Variants in C8orf34 observed in about 807,000 individuals in gnomAD.
C8orf34 encodes chromosome 8 open reading frame 34, also known as uncharacterized protein C8orf34.
A neutral mutation model predicts 68.3 loss-of-function variants in C8orf34; 65 were observed. The observed-to-expected ratio is 0.95, with a 90% CI of 0.78 to 1.17. The LOEUF (loss-of-function observed/expected upper bound fraction) is 1.17, where lower values mean the gene tolerates loss of function less well. C8orf34 is among the 50% of genes most tolerant of loss of function. The pLI is 0.00. For synonymous variants in C8orf34, 244 were observed against 241.2 expected, an observed-to-expected ratio of 1.01 and a Z score of -0.11; for missense variants, 664 against 655.4, an observed-to-expected ratio of 1.01 and a Z score of -0.14.
chr8:68,781,844 G>A (rs1344478661), intron 11 of C8orf34, among the ~76,000 whole-genome samples: 1 of 152,146 alleles, frequency 6.6e-6, no homozygotes, highest in Non-Finnish European at 1.5e-5. Context: ...CCAAGCTAAT[G>A]TTCCATTTGT....
intron 10 of C8orf34, among the ~76,000 whole-genome samples, chr8:68,739,143 C>A (rs1822207484): frequency 1.3e-5 from 2 of 152,070 alleles, no homozygotes; most frequent in South Asian, 2.1e-4. Flanking sequence ...TCAACATATG[C>A]AAATCAATAA....
At chr8:68,436,187 C>G (rs1810658514) in intron 1 of C8orf34, among the ~76,000 whole-genome samples, 1 of 151,990 alleles carries the variant, frequency 6.6e-6, no homozygotes, top group Admixed American at 6.6e-5. Flanking sequence ...TATCCTCACC[C>G]TGGGTGACAG....
intron 10 of C8orf34, among the ~76,000 whole-genome samples, chr8:68,732,634 C>T (rs959165196): frequency 1.3e-4 from 20 of 152,014 alleles, no homozygotes; most frequent in African/African-American, 4.6e-4. Context: ...CCAATTTCTT[C>T]CATTCATTTT....
chr8:68,634,723 C>T (rs1045446621), intron 7 of C8orf34, among the ~76,000 whole-genome samples: 3 of 152,196 alleles, frequency 2.0e-5, no homozygotes, highest in East Asian at 3.9e-4. Context: ...GGTTCTGTCA[C>T]CTTTTAGAGC....
Position 68,381,738 on chromosome 8 carries a change from CAAAAAAA to C in C8orf34, c.327+50417_327+50423del, listed in dbSNP as rs769290635. On this transcript the variant is annotated intron_variant, in intron 1 of 13. Coordinates refer to ENST00000518698, the MANE Select transcript of C8orf34 (RefSeq NM_052958.4). ...TGGGCGACAGAGCGAGACTCCGTCT[CAAAAAAA>C]AAAAAAAAAAAAAAAAATAGGTATA... Among the ~76,000 whole-genome samples, 107 of 72,058 alleles carry C rather than the reference CAAAAAAA, an allele frequency of 1.5e-3. 1 individual carries two copies. In the Admixed American group the frequency reaches 0.02, roughly 13 times the overall value. 47.3% of individuals were successfully genotyped at this position (72,058 alleles called of 152,430 possible).
chr8:68,744,687 A>C (rs1178227969), intron 10 of C8orf34, among the ~76,000 whole-genome samples: 1 of 152,310 alleles, frequency 6.6e-6, no homozygotes, highest in Non-Finnish European at 1.5e-5. Flanking sequence ...TTAGAGAAAA[A>C]AGAATAAAAA....
intron 5 of C8orf34, among the ~76,000 whole-genome samples, chr8:68,490,057 G>A (rs183933734): frequency 6.6e-6 from 1 of 152,148 alleles, no homozygotes; most frequent in Admixed American, 6.6e-5. Context: ...GCCTTGTTCT[G>A]CTTTTCTAGT....
At chr8:68,522,011 A>G (rs1382655972) in intron 6 of C8orf34, 40 bp downstream of exon 6, 1 of 1,547,720 alleles carries the variant, frequency 6.5e-7, no homozygotes. Context: ...ATTACTAGTC[A>G]TTAAAAGGTA....
chr8:68,479,350 G>T (rs1310121038), intron 4 of C8orf34, among the ~76,000 whole-genome samples: 1 of 151,366 alleles, frequency 6.6e-6, no homozygotes, highest in Non-Finnish European at 1.5e-5. Flanking sequence ...TCATCATTTT[G>T]GTCTGATTTC....
chr8:68,725,930 T>A (rs2129526642), intron 10 of C8orf34, among the ~76,000 whole-genome samples: 1 of 152,220 alleles, frequency 6.6e-6, no homozygotes, highest in Admixed American at 6.5e-5. Flanking sequence ...TTTTTTTAAG[T>A]TGGAGTCTCA....
At chr8:68,525,550 G>A (rs1814938648) in intron 6 of C8orf34, 4 of 901,976 alleles carry the variant, frequency 4.4e-6, no homozygotes, top group Non-Finnish European at 7.1e-6. Flanking sequence ...TCCCTCCTGT[G>A]TGTCTTCGTC....
chr8:68,566,110 A>G (rs1225858368), intron 7 of C8orf34, among the ~76,000 whole-genome samples: 3 of 152,206 alleles, frequency 2.0e-5, no homozygotes, highest in Admixed American at 6.5e-5. Context: ...ATGGTTAATT[A>G]GTTGTAAAGT....
At chr8:68,747,038 G>C (rs1283241033) in intron 10 of C8orf34, among the ~76,000 whole-genome samples, 1 of 149,764 alleles carries the variant, frequency 6.7e-6, no homozygotes, top group Non-Finnish European at 1.5e-5. Flanking sequence ...TATCCACCAT[G>C]ATCAAGTGGG....
At chr8:68,341,376 G>A (rs1172247953) in intron 1 of C8orf34, among the ~76,000 whole-genome samples, 1 of 152,164 alleles carries the variant, frequency 6.6e-6, no homozygotes, top group Non-Finnish European at 1.5e-5. Flanking sequence ...CTCGACCTCA[G>A]TCTTACACCT....
chr8:68,476,854 G>T (rs1395919245), intron 4 of C8orf34, among the ~76,000 whole-genome samples: 1 of 152,152 alleles, frequency 6.6e-6, no homozygotes, highest in East Asian at 1.9e-4. Flanking sequence ...TCTATAAGTT[G>T]GCTGAAACTG....
intron 7 of C8orf34, among the ~76,000 whole-genome samples, chr8:68,607,369 T>C (rs914871955): frequency 1.3e-5 from 2 of 152,066 alleles, no homozygotes; most frequent in Admixed American, 6.6e-5. Flanking sequence ...AGGGTTGGTT[T>C]CTCCTGGAGC....
At chr8:68,785,752 T>C (rs1353073662) in intron 11 of C8orf34, among the ~76,000 whole-genome samples, 1 of 152,222 alleles carries the variant, frequency 6.6e-6, no homozygotes, top group African/African-American at 2.4e-5. Flanking sequence ...TGACAAATGC[T>C]TAGTGTCTTG....
chr8:68,707,581 T>A lies in C8orf34; in HGVS notation c.1242-1413T>A, dbSNP rs555403096. 5.3e-5 allele frequency among the ~76,000 whole-genome samples: 8 copies of A among 152,164 alleles called. No homozygotes were observed. The South Asian group carries it at 1.0e-3, about 20-fold the overall frequency. ...ATTTTCTTTTTAGGTTTAAAAAAAA[T>A]TTACTTTTTTTAGAGACAGGGGCTC... On this transcript the variant is annotated intron_variant, in intron 8 of 13. Coordinates refer to ENST00000518698, the MANE Select transcript of C8orf34 (RefSeq NM_052958.4).
intron 7 of C8orf34, among the ~76,000 whole-genome samples, chr8:68,586,665 G>C (rs1426930062): frequency 6.6e-6 from 1 of 152,112 alleles, no homozygotes; most frequent in Non-Finnish European, 1.5e-5. Context: ...GGGATAAATT[G>C]AGAGCACCAA....
Sources: gnomAD v4.1 joint callset for allele counts (sites outside exome capture counted in the v4.1 genomes callset) on GRCh38, gnomAD v4.1.1 for gene constraint, MANE v1.5 for transcripts, NCBI Gene and HGNC (gene_info 2026-07-23, HGNC 2026-07-21) for gene names.